PDE10A: variants seen among roughly 807,000 people sequenced by gnomAD.
The protein encoded by PDE10A is cAMP and cAMP-inhibited cGMP 3',5'-cyclic phosphodiesterase 10A.
A neutral mutation model predicts 97.7 loss-of-function variants in PDE10A; 39 were observed. The ratio of observed to expected loss-of-function variants is 0.40; its 90% CI spans 0.31 to 0.52. The LOEUF is 0.52. PDE10A is among the 20% of genes least tolerant of loss of function. PDE10A has a pLI of 0.56. For synonymous variants in PDE10A, 371 were observed against 376.8 expected, an observed-to-expected ratio of 0.98 and a Z score of 0.18; for missense variants, 731 against 1,047.8, an observed-to-expected ratio of 0.70 and a Z score of 4.17.
At chr6:165,587,917 G>A (rs912363201) in intron 1 of PDE10A, among the ~76,000 whole-genome samples, 7 of 152,078 alleles carry the variant, frequency 4.6e-5, no homozygotes, top group South Asian at 2.1e-4. Context: ...TGGTATGGAC[G>A]GCTTAGAGAT....
At chr6:165,392,519 T>C in intron 16 of PDE10A, 127 bp downstream of exon 16, 1 of 769,240 alleles carries the variant, frequency 1.3e-6, no homozygotes, top group Non-Finnish European at 2.2e-6. Flanking sequence ...TGGGCTACTA[T>C]TGATTTATTA....
intron 1 of PDE10A, among the ~76,000 whole-genome samples, chr6:165,558,951 TA>T (rs56697888): frequency 0.022 from 3,260 of 151,292 alleles, 139 homozygotes; most frequent in African/African-American, 0.076. Context: ...TAAAGTATAA[TA>T]AAAAAATATA....
At chr6:165,732,701 A>G (rs894870109) in intron 1 of PDE10A, among the ~76,000 whole-genome samples, 1 of 152,196 alleles carries the variant, frequency 6.6e-6, no homozygotes, top group African/African-American at 2.4e-5. Context: ...GAAAGCAGAA[A>G]ATGTTATTCC....
At chr6:165,749,087 C>T (rs915746232) in intron 1 of PDE10A, among the ~76,000 whole-genome samples, 2 of 152,158 alleles carry the variant, frequency 1.3e-5, no homozygotes, top group Non-Finnish European at 2.9e-5. Context: ...AGAATTAATG[C>T]ATGTTAATCA....
chr6:165,606,070 G>A (rs1562623426), intron 1 of PDE10A, among the ~76,000 whole-genome samples: 1 of 150,824 alleles, frequency 6.6e-6, no homozygotes. Flanking sequence ...GTTGAGTAAC[G>A]CAGGCAAGGG....
intron 2 of PDE10A, among the ~76,000 whole-genome samples, chr6:165,493,310 T>G (rs1043125179): frequency 6.6e-6 from 1 of 152,090 alleles, no homozygotes; most frequent in Non-Finnish European, 1.5e-5. Context: ...ACCACCATCA[T>G]TCTTCACAGA....
intron 2 of PDE10A, among the ~76,000 whole-genome samples, chr6:165,521,648 G>T (rs188002964): frequency 6.6e-6 from 1 of 152,260 alleles, no homozygotes; most frequent in East Asian, 1.9e-4. Context: ...AGCCTATCCA[G>T]AACAAGGCTC....
intron 20 of PDE10A, 46 bp downstream of exon 20, chr6:165,339,232 A>T: frequency 9.1e-7 from 1 of 1,095,106 alleles, no homozygotes; most frequent in Non-Finnish European, 1.4e-6. Flanking sequence ...TGCCCACCTT[A>T]AACTATTTGG....
chr6:165,470,836 CTT>C (rs1778954009), intron 3 of PDE10A, among the ~76,000 whole-genome samples: 1 of 152,154 alleles, frequency 6.6e-6, no homozygotes, highest in South Asian at 2.1e-4. Flanking sequence ...TTGCATCAAA[CTT>C]TCTCTCTCTA....
chr6:165,894,288 G>A (rs1048739290), intron 1 of PDE10A: 1 of 455,992 alleles, frequency 2.2e-6, no homozygotes. Context: ...CCGAGAAGAT[G>A]TGTTGATCCA....
At chr6:165,533,375 C>G (rs1782895808) in intron 2 of PDE10A, among the ~76,000 whole-genome samples, 1 of 152,146 alleles carries the variant, frequency 6.6e-6, no homozygotes, top group African/African-American at 2.4e-5. Context: ...GTGGTATAGT[C>G]TATCTCTCCC....
At chr6:165,368,172 T>G (rs1783948565) in intron 18 of PDE10A, among the ~76,000 whole-genome samples, 1 of 152,096 alleles carries the variant, frequency 6.6e-6, no homozygotes, top group Non-Finnish European at 1.5e-5. Context: ...ATTTTTGTAT[T>G]TTTACTACAG....
intron 10 of PDE10A, among the ~76,000 whole-genome samples, chr6:165,428,101 A>G (rs535362804): frequency 2.0e-5 from 3 of 152,306 alleles, no homozygotes; most frequent in African/African-American, 7.2e-5. Context: ...ATTAAAGCAC[A>G]TAACAGGGCA....
rs1454755116 is a variant in PDE10A at position 165,495,338 on chromosome 6, AG to A, written c.995-12996del. 2.0e-5 allele frequency among the ~76,000 whole-genome samples: 3 copies of A among 149,870 alleles called. No homozygotes were observed. In the Admixed American group the frequency reaches 2.0e-4, roughly 10 times the overall value. On this transcript the variant is annotated intron_variant, in intron 2 of 21. Transcript: ENST00000539869. ...CAGGAGGGGAAAGAGAGAGAAGGAG[AG>A]GGGGTGGAGGGGAAAGGGAGAGAGA...
chr6:165,907,801 A>G (rs780796763), intron 1 of PDE10A, among the ~76,000 whole-genome samples: 3 of 148,712 alleles, frequency 2.0e-5, no homozygotes, highest in African/African-American at 7.8e-5. Flanking sequence ...CCAGAGCAGC[A>G]TGGGTGAGGG....
At chr6:165,631,839 C>T (rs1341692266) in intron 1 of PDE10A, among the ~76,000 whole-genome samples, 5 of 152,070 alleles carry the variant, frequency 3.3e-5, no homozygotes, top group African/African-American at 9.7e-5. Flanking sequence ...GGAAAATAAA[C>T]GACCACCCAA....
intron 1 of PDE10A, among the ~76,000 whole-genome samples, chr6:165,676,762 A>G (rs914797589): frequency 2.6e-5 from 4 of 152,038 alleles, no homozygotes; most frequent in African/African-American, 9.7e-5. Flanking sequence ...AAGCTCACCC[A>G]CATTTCACGG....
chr6:165,491,940 C>T (rs189926828), intron 2 of PDE10A, among the ~76,000 whole-genome samples: 1 of 151,432 alleles, frequency 6.6e-6, no homozygotes, highest in East Asian at 1.9e-4. Context: ...TTGAAAACAT[C>T]CATAAAATTG....
At chr6:165,708,712 C>T (rs1044157955) in intron 1 of PDE10A, among the ~76,000 whole-genome samples, 14 of 151,182 alleles carry the variant, frequency 9.3e-5, no homozygotes, top group Non-Finnish European at 1.5e-5. Context: ...TCACCACTCT[C>T]TACCCCCATG....
Sources: gnomAD v4.1 joint callset for allele counts (sites outside exome capture counted in the v4.1 genomes callset) on GRCh38, gnomAD v4.1.1 for gene constraint, MANE v1.5 for transcripts, NCBI Gene and HGNC (gene_info 2026-07-23, HGNC 2026-07-21) for gene names.